G3BP1: variants seen among roughly 807,000 people sequenced by gnomAD.
The protein encoded by G3BP1 is G3BP stress granule assembly factor 1.
Under a neutral mutation model 58.6 loss-of-function variants are expected in G3BP1, and 35 were observed. The observed-to-expected ratio is 0.60, with a 90% CI of 0.46 to 0.79. The LOEUF (loss-of-function observed/expected upper bound fraction) is 0.79. Ranked by LOEUF, G3BP1 falls within the 30% of genes least tolerant of loss-of-function variation. The pLI, the probability that G3BP1 is intolerant of heterozygous loss-of-function variation, is 0.00. For missense variants in G3BP1, 523 were observed against 580.8 expected, an observed-to-expected ratio of 0.90 and a Z score of 1.02; for synonymous variants, 191 against 195.4, an observed-to-expected ratio of 0.98 and a Z score of 0.19.
chr5:151,802,974 C>T (rs996312453), intron 11 of G3BP1, among the ~76,000 whole-genome samples: 6 of 151,970 alleles, frequency 3.9e-5, no homozygotes, highest in Non-Finnish European at 7.4e-5. Flanking sequence ...AACACTTCCG[C>T]GACACATAGT....
At position 151,806,428 on chromosome 5, in the gene G3BP1, G is replaced by A. The variant is rs1227581654; in HGVS notation, c.*2337G>A. On this transcript the variant is annotated 3_prime_UTR_variant, in exon 12 of 12. Transcript: ENST00000356245. ...TTGTAATTTGTTGCAGGGAATTACT[G>A]CACAATCTCAGAAAATAGAAAGCTT... The A allele has an allele frequency of 6.6e-6, 1 of 152,168 alleles. No homozygotes were observed. 9.4% of individuals were successfully genotyped at this position (152,168 alleles called of 1,614,324 possible).
rs570400804 is a variant in G3BP1, at chr5:151,803,074, C to T, written c.1195-811C>T. Among the ~76,000 whole-genome samples the T allele has an allele frequency of 1.6e-4, 25 of 152,260 alleles. No homozygotes were observed. The South Asian group carries it at 4.8e-3, about 29-fold the overall frequency. On this transcript the variant is annotated intron_variant, in intron 11 of 11. Coordinates refer to ENST00000356245, the MANE Select transcript of G3BP1 (RefSeq NM_005754.3). ...GAATATATTGAAATGTTTCGTAGCC[C>T]CTTAACTACTTTGGCTCTGTTAGGA...
intron 1 of G3BP1, among the ~76,000 whole-genome samples, chr5:151,775,759 T>A (rs948900797): frequency 2.0e-5 from 3 of 152,262 alleles, no homozygotes; most frequent in Non-Finnish European, 4.4e-5. Context: ...AAGATTTTTT[T>A]AAATTGTGAA....
At chr5:151,781,110 T>C (rs1762463532) in intron 1 of G3BP1, among the ~76,000 whole-genome samples, 1 of 152,162 alleles carries the variant, frequency 6.6e-6, no homozygotes, top group African/African-American at 2.4e-5. Flanking sequence ...AAGAAAAAGG[T>C]ATTTCATGAA....
At position 151,797,277 on chromosome 5, in the gene G3BP1, A is replaced by T; in HGVS notation, c.590A>T (p.Asp197Val). The T allele has an allele frequency of 6.2e-7, 1 of 1,612,998 alleles. No homozygotes were observed. The highest frequency in any genetic ancestry group is 8.5e-7 in the Non-Finnish European group (1 of 1,178,978). Residue 197 changes from aspartate (D) to valine (V), a missense_variant, in exon 7 of 12, where the codon GAT (aspartate) becomes GTT (valine). Around this residue, in one of 2 missense-constraint regions of G3BP1, gnomAD observed 398 missense variants for 399.1 expected, o/e 1.00. Coordinates refer to ENST00000356245, the MANE Select transcript of G3BP1 (RefSeq NM_005754.3). ...GAGCCTGTTGCTGAACCAGAGCCTG[A>T]TCCTGAACCAGAACCAGAACAAGAA... ...LEEPVAEPEP[D>V]PEPEPEQEPV...
At chr5:151,782,549 A>G (rs1272574390) in intron 1 of G3BP1, among the ~76,000 whole-genome samples, 4 of 152,146 alleles carry the variant, frequency 2.6e-5, no homozygotes, top group Non-Finnish European at 1.5e-5. Flanking sequence ...TTATATTTCA[A>G]CATCCATTGG....
At chr5:151,773,221 C>G (rs1393518625) in intron 1 of G3BP1, among the ~76,000 whole-genome samples, 1 of 151,934 alleles carries the variant, frequency 6.6e-6, no homozygotes, top group Non-Finnish European at 1.5e-5. Flanking sequence ...AGAAGATTCA[C>G]TTTATAGTTG....
intron 7 of G3BP1, among the ~76,000 whole-genome samples, chr5:151,798,283 A>T (rs951450514): frequency 1.3e-5 from 2 of 152,058 alleles, no homozygotes; most frequent in Non-Finnish European, 2.9e-5. Context: ...TGGGAAGTCA[A>T]GGCTGCAGTG....
chr5:151,789,308 G>T (rs904612096), intron 2 of G3BP1, among the ~76,000 whole-genome samples: 3 of 152,056 alleles, frequency 2.0e-5, no homozygotes, highest in African/African-American at 7.2e-5. Context: ...GGCGGAGGTT[G>T]CAGTGAGCTA....
rs541143047 is a variant in G3BP1, at chr5:151,807,334, A to T, written c.*3243A>T. 6.6e-6 allele frequency: 1 copy of T among 152,292 alleles called. No homozygotes were observed. The highest frequency in any genetic ancestry group is 1.9e-4 in the East Asian group (1 of 5,184). 9.4% of individuals were successfully genotyped at this position (152,292 alleles called of 1,614,324 possible). A position where few individuals can be genotyped will look rare whatever the true frequency, so the allele number is the denominator to read the frequency against. Reference sequence around the variant, plus strand: ...AGGAGCACATTTGCCTCCCAAACTGATGCTTTTTCTCTAGAACCATAATGC... The same window carrying T: ...AGGAGCACATTTGCCTCCCAAACTGTTGCTTTTTCTCTAGAACCATAATGC... On this transcript the variant is annotated 3_prime_UTR_variant, in exon 12 of 12. Coordinates refer to ENST00000356245, the MANE Select transcript of G3BP1 (RefSeq NM_005754.3).
chr5:151,805,364 A>G lies in G3BP1; in HGVS notation c.*1273A>G, dbSNP rs1762924977. On this transcript the variant is annotated 3_prime_UTR_variant, in exon 12 of 12. Coordinates refer to ENST00000356245, the MANE Select transcript of G3BP1 (RefSeq NM_005754.3). The stretch of plus-strand genomic sequence containing the variant: ...CTGGAAGAAAATTTAATCTGGCAAT[A>G]TAGACTAATACTCGTTTCACATATG... The G allele has an allele frequency of 6.6e-6, 1 of 152,602 alleles. No homozygotes were observed. The highest frequency in any genetic ancestry group is 1.5e-5 in the Non-Finnish European group (1 of 68,026). 9.5% of individuals were successfully genotyped at this position (152,602 alleles called of 1,614,324 possible). A position where few individuals can be genotyped will look rare whatever the true frequency, so the allele number is the denominator to read the frequency against.
intron 1 of G3BP1, among the ~76,000 whole-genome samples, chr5:151,772,978 GTGTACT>G (rs1463685077): frequency 2.0e-5 from 3 of 152,204 alleles, no homozygotes; most frequent in African/African-American, 7.2e-5. Flanking sequence ...TCCTTTCTAC[GTGTACT>G]TGTACAGGCC....
rs901401008 is a variant in G3BP1, at chr5:151,807,536, G to T, written c.*3445G>T. On this transcript the variant is annotated 3_prime_UTR_variant, in exon 12 of 12. Transcript: ENST00000356245. ...TTTTTTGATTTGCAGATTATATATG[G>T]TAACACAATAATGGTGGTTTGTTTT... is the stretch of plus-strand genomic sequence containing the variant. 3 of 152,084 alleles carry T rather than the reference G, an allele frequency of 2.0e-5. No individual in the cohort carries two copies. Among genetic ancestry groups the T allele is most frequent in the Non-Finnish European group, 2.9e-5 (2 of 68,030 alleles). 9.4% of individuals were successfully genotyped at this position (152,084 alleles called of 1,614,324 possible). A position where few individuals can be genotyped will look rare whatever the true frequency, so the allele number is the denominator to read the frequency against.
chr5:151,786,613 C>G lies in G3BP1; in HGVS notation c.-8C>G, dbSNP rs755288857. On this transcript the variant is annotated 5_prime_UTR_variant, in exon 2 of 12. Coordinates refer to ENST00000356245, the MANE Select transcript of G3BP1 (RefSeq NM_005754.3). The stretch of plus-strand genomic sequence containing the variant: ...CTCTTTTCCCCCCAGGTTGAATTGA[C>G]CAAAGCAATGGTGATGGAGAAGCCT... 6.3e-7 allele frequency: 1 copy of G among 1,595,242 alleles called. No individual in the cohort carries two copies. Among genetic ancestry groups the G allele is most frequent in the Non-Finnish European group, 8.6e-7 (1 of 1,162,972 alleles).
rs1762806913 is a variant in G3BP1, at chr5:151,799,205, C to T, written c.742-7C>T. 7.0e-7 allele frequency: 1 copy of T among 1,429,340 alleles called. No individual in the cohort carries two copies. Among genetic ancestry groups the T allele is most frequent in the Non-Finnish European group, 9.9e-7 (1 of 1,011,036 alleles). The allele number at this position is 1,429,340 out of a possible 1,614,324, so 88.5% of individuals were successfully genotyped here. A position where few individuals can be genotyped will look rare whatever the true frequency, so the allele number is the denominator to read the frequency against. ...ATAATTATGTAATGTTGGTATTGCT[C>T]CCTTAGACATTTTCTTGGGCATCTG... On this transcript the variant is annotated splice_polypyrimidine_tract_variant and splice_region_variant and intron_variant, in intron 7 of 11. Transcript: ENST00000356245.
At chr5:151,797,686 A>G (rs1762777906) in intron 7 of G3BP1, among the ~76,000 whole-genome samples, 1 of 152,242 alleles carries the variant, frequency 6.6e-6, no homozygotes, top group Non-Finnish European at 1.5e-5. Flanking sequence ...TTTAGGTGCC[A>G]CTGTAGCACC....
intron 11 of G3BP1, among the ~76,000 whole-genome samples, chr5:151,802,589 A>G (rs1172523041): frequency 6.6e-6 from 1 of 152,238 alleles, no homozygotes; most frequent in African/African-American, 2.4e-5. Flanking sequence ...GCTAGTCCTT[A>G]AAGTAGGTAT....
intron 5 of G3BP1, 65 bp from the exon 6 acceptor site, chr5:151,795,414 C>T (rs1357457841): frequency 1.9e-5 from 15 of 808,636 alleles, no homozygotes; most frequent in African/African-American, 1.0e-4. Flanking sequence ...GTGAACATTG[C>T]GAAAGTTAAT....
In G3BP1 at chr5:151,807,975, C is replaced by T. The variant is rs1423823041; in HGVS notation, c.*3884C>T. 1.3e-5 allele frequency: 2 copies of T among 152,146 alleles called. No homozygotes were observed. The highest frequency in any genetic ancestry group is 2.9e-5 in the Non-Finnish European group (2 of 68,016). 9.4% of individuals were successfully genotyped at this position (152,146 alleles called of 1,614,324 possible). On this transcript the variant is annotated 3_prime_UTR_variant, in exon 12 of 12. Coordinates refer to ENST00000356245, the MANE Select transcript of G3BP1 (RefSeq NM_005754.3). ...ATAATTGTTGACCTTTTTAGTTCAGCAGTTTTTAAACTTGAAGTAACATCA... is the reference window on the plus strand; with the variant it reads ...ATAATTGTTGACCTTTTTAGTTCAGTAGTTTTTAAACTTGAAGTAACATCA...
Sources: gnomAD v4.1 joint callset for allele counts (sites outside exome capture counted in the v4.1 genomes callset) on GRCh38, gnomAD v4.1.1 for gene constraint, gnomAD v4.1.1 regional missense constraint, MANE v1.5 for transcripts, NCBI Gene and HGNC (gene_info 2026-07-23, HGNC 2026-07-21) for gene names.